The following DENND1A variants were observed in gnomAD, a reference collection of about 807,000 sequenced individuals.
The protein encoded by DENND1A is DENN domain-containing protein 1A.
DENND1A carries 51 observed loss-of-function variants against 113.7 expected under a neutral mutation model. The ratio of observed to expected loss-of-function variants is 0.45; its 90% CI spans 0.36 to 0.57. DENND1A has a LOEUF of 0.57. Ranked by LOEUF, DENND1A falls within the 20% of genes least tolerant of loss-of-function variation. The probability of loss-of-function intolerance (pLI) is 0.00; values close to 1 mark genes in which losing one functional copy is unlikely to be tolerated. For synonymous variants in DENND1A, 565 were observed against 570.8 expected, an observed-to-expected ratio of 0.99 and a Z score of 0.14; for missense variants, 1,258 against 1,395.9, an observed-to-expected ratio of 0.90 and a Z score of 1.57.
At chr9:123,515,225 T>C (rs529379685) in intron 13 of DENND1A, among the ~76,000 whole-genome samples, 1 of 152,366 alleles carries the variant, frequency 6.6e-6, no homozygotes, top group South Asian at 2.1e-4. Context: ...CTGGGAAAAC[T>C]GTATGTAGAT....
At chr9:123,483,700 G>A (rs2050546868) in intron 13 of DENND1A, among the ~76,000 whole-genome samples, 1 of 152,232 alleles carries the variant, frequency 6.6e-6, no homozygotes, top group Non-Finnish European at 1.5e-5. Context: ...TGAGACTCCT[G>A]GCTCTGTCGC....
chr9:123,501,999 C>T (rs1035880878), intron 13 of DENND1A, among the ~76,000 whole-genome samples: 1 of 152,176 alleles, frequency 6.6e-6, no homozygotes. Flanking sequence ...ATATATCTCT[C>T]CTATTGGTTC....
At position 123,538,855 on chromosome 9, in the gene DENND1A, T is replaced by TACACAC. The variant is rs1295090060; in HGVS notation, c.993+18714_993+18715insGTGTGT. 7.6e-4 allele frequency among the ~76,000 whole-genome samples: 77 copies of TACACAC among 101,292 alleles called. 7 individuals are homozygous for TACACAC. The highest frequency in any genetic ancestry group is 8.6e-4 in the Non-Finnish European group (43 of 50,026). 66.5% of individuals were successfully genotyped at this position (101,292 alleles called of 152,430 possible). On this transcript the variant is annotated intron_variant, in intron 13 of 23. Transcript: ENST00000394215. ...ATATATATATATATATATATATATA[T>TACACAC]ATATGAATTCATACATATTTATGTA...
At chr9:123,839,031 G>A (rs1210688635) in intron 2 of DENND1A, among the ~76,000 whole-genome samples, 2 of 152,332 alleles carry the variant, frequency 1.3e-5, no homozygotes, top group Middle Eastern at 3.4e-3. Flanking sequence ...AAGGGGCAGT[G>A]CAGCAGAGCA....
Position 123,454,722 on chromosome 9 carries a change from A to AT in DENND1A, c.1227+16dup. 1 of 1,553,268 alleles carries AT rather than the reference A, an allele frequency of 6.4e-7. No homozygotes were observed. The highest frequency in any genetic ancestry group is 8.7e-7 in the Non-Finnish European group (1 of 1,147,716). ...AAGGAGGGAGTCCAGGGGGCTCTGA[A>AT]TTGGGTGCATGCTTACCCGGACAGT... is the stretch of plus-strand genomic sequence containing the variant. On this transcript the variant is annotated intron_variant, in intron 16 of 23. Transcript: ENST00000394215.
At chr9:123,806,118 T>C (rs1214862947) in intron 2 of DENND1A, among the ~76,000 whole-genome samples, 1 of 151,396 alleles carries the variant, frequency 6.6e-6, no homozygotes, top group African/African-American at 2.4e-5. Context: ...CATGCCTGGC[T>C]AATTTTTGTA....
At chr9:123,742,240 A>G (rs1447806889) in intron 5 of DENND1A, among the ~76,000 whole-genome samples, 5 of 152,166 alleles carry the variant, frequency 3.3e-5, no homozygotes, top group African/African-American at 1.2e-4. Flanking sequence ...GCATGGGAAA[A>G]AAAAAAAAAA....
chr9:123,801,794 CTG>C (rs1834717667), intron 2 of DENND1A, among the ~76,000 whole-genome samples: 2 of 152,230 alleles, frequency 1.3e-5, no homozygotes, highest in Admixed American at 6.5e-5. Flanking sequence ...AATTTCATAT[CTG>C]TGTCTTAAAT....
intron 21 of DENND1A, chr9:123,400,304 C>T (rs973459032): frequency 6.6e-6 from 1 of 152,256 alleles, no homozygotes; most frequent in African/African-American, 2.4e-5. Flanking sequence ...AACCAAGAGT[C>T]AGCATGGGGA....
chr9:123,455,642 G>A (rs2048061268), intron 15 of DENND1A, among the ~76,000 whole-genome samples: 1 of 152,212 alleles, frequency 6.6e-6, no homozygotes, highest in Non-Finnish European at 1.5e-5. Flanking sequence ...AACCCCCAGG[G>A]CTGTGTGTCC....
In DENND1A at chr9:123,551,175, T is replaced by C. The variant is rs1344162328; in HGVS notation, c.993+6395A>G. Among the ~76,000 whole-genome samples, 9 of 152,188 alleles carry C rather than the reference T, an allele frequency of 5.9e-5. No individual in the cohort carries two copies. The East Asian group carries it at 1.7e-3, about 29-fold the overall frequency. ...GGCTTTGCATCTGATTTTCTCCAGG[T>C]GACCGAAAAATGGGCCACATGCCCT... On this transcript the variant is annotated intron_variant, in intron 13 of 23. Coordinates refer to ENST00000394215, the MANE Select transcript of DENND1A (RefSeq NM_001352964.2).
Position 123,383,815 on chromosome 9 carries a change from G to T in DENND1A, c.1859C>A (p.Pro620Gln), listed in dbSNP as rs1262384047. Residue 620 changes from proline (P) to glutamine (Q), a missense_variant, in exon 23 of 24, where the codon CCA (proline) becomes CAA (glutamine). Around this residue, in one of 2 missense-constraint regions of DENND1A, gnomAD observed 1,159 missense variants for 1,231.7 expected, o/e 0.94. Transcript: ENST00000394215. ...QQVRKSTGPV[P>Q]APPDRAASID... ...GCTGGCAGCCCGGTCAGGGGGAGCT[G>T]GGACAGGGCCTGTGGACTTCCGCAC... 2 of 1,614,004 alleles carry T rather than the reference G, an allele frequency of 1.2e-6. No homozygotes were observed. The highest frequency in any genetic ancestry group is 1.7e-6 in the Non-Finnish European group (2 of 1,180,046).
chr9:123,674,342 T>TCTCTCTCTCA (rs36033303), intron 6 of DENND1A, among the ~76,000 whole-genome samples: 1 of 132,300 alleles, frequency 7.6e-6, no homozygotes, highest in African/African-American at 2.9e-5. Flanking sequence ...TGTCTCTCTC[T>TCTCTCTCTCA]CACACACACA....
chr9:123,847,424 T>G (rs977759093), intron 2 of DENND1A, among the ~76,000 whole-genome samples: 1 of 151,922 alleles, frequency 6.6e-6, no homozygotes, highest in Non-Finnish European at 1.5e-5. Flanking sequence ...ATTGCTAAAC[T>G]AGAAAACAAG....
At position 123,587,485 on chromosome 9, in the gene DENND1A, T is replaced by G. The variant is rs144754972; in HGVS notation, c.766-4215A>C. On this transcript the variant is annotated intron_variant, in intron 11 of 23. Transcript: ENST00000394215. ...GACCAGAAATTCTCAGAAGGGAGTA[T>G]GCCCTAACCCTAAAGAGGCCTAGAA... is the stretch of plus-strand genomic sequence containing the variant. 3.4e-4 allele frequency among the ~76,000 whole-genome samples: 52 copies of G among 152,272 alleles called. 1 individual carries two copies. In the East Asian group the frequency reaches 8.9e-3, roughly 26 times the overall value.
Position 123,593,902 on chromosome 9 carries a change from T to C in DENND1A, c.766-10632A>G, listed in dbSNP as rs546781652. ...TTCCCCCTTGCTGTTCTTGTGATGG[T>C]GAGTGAGTTCTCCCAAGATCTGGTT... On this transcript the variant is annotated intron_variant, in intron 11 of 23. Coordinates refer to ENST00000394215, the MANE Select transcript of DENND1A (RefSeq NM_001352964.2). 4.6e-5 allele frequency among the ~76,000 whole-genome samples: 7 copies of C among 152,152 alleles called. No homozygotes were observed. In the South Asian group the frequency reaches 1.5e-3, roughly 32 times the overall value.
intron 5 of DENND1A, among the ~76,000 whole-genome samples, chr9:123,701,117 T>C (rs2065859380): frequency 6.6e-6 from 1 of 152,172 alleles, no homozygotes; most frequent in African/African-American, 2.4e-5. Context: ...GGGGAAAATC[T>C]CTGTGCTCTT....
rs1038932511 is a variant in DENND1A at position 123,764,919 on chromosome 9, A to T, written c.182+4595T>A. On this transcript the variant is annotated intron_variant, in intron 4 of 23. Transcript: ENST00000394215. The surrounding 1 kb of genome is among the most constrained non-coding windows in gnomAD (Gnocchi z 4.1). ...AGGCCCAGCTGCTTCGTTGTCATCAACACTGTAGAAAATAATCATGGGGCA... is the reference window on the plus strand; with the variant it reads ...AGGCCCAGCTGCTTCGTTGTCATCATCACTGTAGAAAATAATCATGGGGCA... Among the ~76,000 whole-genome samples the T allele has an allele frequency of 6.6e-6, 1 of 152,162 alleles. No homozygotes were observed. Among genetic ancestry groups the T allele is most frequent in the Non-Finnish European group, 1.5e-5 (1 of 68,028 alleles).
At chr9:123,897,096 A>C (rs1175465880) in intron 1 of DENND1A, among the ~76,000 whole-genome samples, 2 of 152,244 alleles carry the variant, frequency 1.3e-5, no homozygotes, top group Non-Finnish European at 2.9e-5. Flanking sequence ...TCTGGCTCCC[A>C]GTAACAGGCA....
Sources: gnomAD v4.1 joint callset for allele counts (sites outside exome capture counted in the v4.1 genomes callset) on GRCh38, gnomAD v4.1.1 for gene constraint, gnomAD v4.1.1 regional missense constraint, Gnocchi (gnomAD v3.1) non-coding constraint, MANE v1.5 for transcripts, NCBI Gene and HGNC (gene_info 2026-07-23, HGNC 2026-07-21) for gene names.